Variants in RPS6KC1 observed in about 807,000 individuals in gnomAD.
RPS6KC1 encodes the protein ribosomal protein S6 kinase C1.
In RPS6KC1, 54 loss-of-function variants were observed where a neutral mutation model predicts 103.8. That is an observed-to-expected ratio of 0.52 (90% CI 0.42 to 0.65). The LOEUF is 0.65. Ranked by LOEUF, RPS6KC1 falls within the 30% of genes least tolerant of loss-of-function variation. The pLI is 0.00. For missense variants in RPS6KC1, 1,151 were observed against 1,253.8 expected, an observed-to-expected ratio of 0.92 and a Z score of 1.24; for synonymous variants, 439 against 438.7, an observed-to-expected ratio of 1.00 and a Z score of -0.01.
At chr1:213,730,348 A>G in the RPS6KC1 span, among the ~76,000 whole-genome samples, 38 of 152,294 alleles carry the variant, frequency 2.5e-4, no homozygotes, top group Non-Finnish European at 3.8e-4. Flanking sequence ...GAATCATCAC[A>G]TTGTCTTCCA....
chr1:213,386,426 C>G, the RPS6KC1 span, among the ~76,000 whole-genome samples: 2 of 152,234 alleles, frequency 1.3e-5, no homozygotes, highest in East Asian at 3.8e-4. Flanking sequence ...GTACCTCCCT[C>G]TCAGGGCTGT....
chr1:213,848,784 G>A, the RPS6KC1 span, among the ~76,000 whole-genome samples: 3 of 151,800 alleles, frequency 2.0e-5, no homozygotes, highest in African/African-American at 7.3e-5. Context: ...TTTTTATATT[G>A]TAATGCTCTA....
At chr1:213,277,883 A>G (rs1052012921), downstream of RPS6KC1, among the ~76,000 whole-genome samples, 32 of 152,192 alleles carry the variant, frequency 2.1e-4, no homozygotes, top group African/African-American at 7.2e-4. Flanking sequence ...AAACACATCA[A>G]AAATTTCATA....
At chr1:213,365,998 G>C in the RPS6KC1 span, among the ~76,000 whole-genome samples, 1 of 152,366 alleles carries the variant, frequency 6.6e-6, no homozygotes, top group African/African-American at 2.4e-5. Context: ...GTCTCAAAGG[G>C]TAGGGAATTA....
At chr1:213,545,601 A>G in the RPS6KC1 span, among the ~76,000 whole-genome samples, 1 of 151,982 alleles carries the variant, frequency 6.6e-6, no homozygotes, top group Non-Finnish European at 1.5e-5. Context: ...GTCCACCTTC[A>G]TGACCTCATT....
the RPS6KC1 span, among the ~76,000 whole-genome samples, chr1:213,432,576 A>G: frequency 6.6e-6 from 1 of 152,186 alleles, no homozygotes; most frequent in Non-Finnish European, 1.5e-5. Flanking sequence ...AAACATAACC[A>G]TCATCCCCCA....
At chr1:213,514,214 A>G in the RPS6KC1 span, among the ~76,000 whole-genome samples, 1 of 152,190 alleles carries the variant, frequency 6.6e-6, no homozygotes, top group East Asian at 1.9e-4. Flanking sequence ...ATTAATAAAT[A>G]AATGCTGAGG....
At chr1:213,068,873 ATGTGTGTGTGTGTG>A (rs60259563) in intron 1 of RPS6KC1, among the ~76,000 whole-genome samples, 19 of 127,366 alleles carry the variant, frequency 1.5e-4, no homozygotes, top group African/African-American at 2.4e-4. Flanking sequence ...AAGTGTATAT[ATGTGTGTGTGTGTG>A]TGTGTGTGTG....
chr1:213,098,039 A>G (rs1345786207), intron 3 of RPS6KC1, among the ~76,000 whole-genome samples: 4 of 152,142 alleles, frequency 2.6e-5, no homozygotes, highest in Non-Finnish European at 4.4e-5. Flanking sequence ...TAACACTTTT[A>G]ATTTCTTTCA....
intron 1 of RPS6KC1, among the ~76,000 whole-genome samples, chr1:213,065,016 G>T (rs1282785975): frequency 1.7e-5 from 2 of 115,096 alleles, no homozygotes; most frequent in African/African-American, 6.5e-5. Flanking sequence ...TTGCTCCGTT[G>T]CCCAGGTTGG....
intron 3 of RPS6KC1, among the ~76,000 whole-genome samples, chr1:213,085,699 A>C (rs572569330): frequency 8.6e-5 from 13 of 151,866 alleles, no homozygotes; most frequent in Admixed American, 6.5e-4. Flanking sequence ...TTCTCTGTGT[A>C]TCTATAGAGC....
intron 5 of RPS6KC1, among the ~76,000 whole-genome samples, chr1:213,122,500 T>A (rs1262226949): frequency 6.6e-6 from 1 of 152,182 alleles, no homozygotes; most frequent in East Asian, 1.9e-4. Context: ...ATTGGTTACT[T>A]AATAACCTAA....
chr1:213,185,997 A>C (rs1480572376), intron 8 of RPS6KC1, among the ~76,000 whole-genome samples: 5 of 151,748 alleles, frequency 3.3e-5, no homozygotes, highest in South Asian at 2.1e-4. Context: ...AAAAAAAAAA[A>C]CTACACAAAA....
chr1:213,583,247 T>C, the RPS6KC1 span, among the ~76,000 whole-genome samples: 1 of 152,236 alleles, frequency 6.6e-6, no homozygotes, highest in Admixed American at 6.5e-5. Flanking sequence ...TGCATGAACA[T>C]GTTTTTATTT....
chr1:213,664,564 T>C, the RPS6KC1 span, among the ~76,000 whole-genome samples: 1 of 152,124 alleles, frequency 6.6e-6, no homozygotes, highest in Non-Finnish European at 1.5e-5. Flanking sequence ...AAAGAAGAAA[T>C]CTGATTGGCC....
rs2094793369 is a variant in RPS6KC1 at position 213,261,418 on chromosome 1, C to G, written c.2912-140C>G. 10 of 710,764 alleles carry G rather than the reference C, an allele frequency of 1.4e-5. No homozygotes were observed. In the East Asian group the frequency reaches 2.3e-4, roughly 16 times the overall value. The allele number at this position is 710,764 out of a possible 1,614,324, so 44.0% of individuals were successfully genotyped here. A position where few individuals can be genotyped will look rare whatever the true frequency, so the allele number is the denominator to read the frequency against. On this transcript the variant is annotated intron_variant, in intron 12 of 14. Transcript: ENST00000366960. ...AGTAGGTGACCAAAGGGATAAGTAA[C>G]TTTCAGGAATTTTGAAAGCCCAGTA...
At chr1:213,406,938 T>C in the RPS6KC1 span, among the ~76,000 whole-genome samples, 1 of 152,150 alleles carries the variant, frequency 6.6e-6, no homozygotes. Context: ...CAAAGTCACA[T>C]AGGGCTGGGA....
intron 14 of RPS6KC1, among the ~76,000 whole-genome samples, chr1:213,271,932 AT>A (rs893549359): frequency 2.2e-4 from 33 of 151,672 alleles, no homozygotes; most frequent in African/African-American, 7.8e-4. Context: ...AAACCACAAA[AT>A]TTTTTTTTAC....
At chr1:213,302,442 C>T in the RPS6KC1 span, among the ~76,000 whole-genome samples, 4 of 152,162 alleles carry the variant, frequency 2.6e-5, no homozygotes, top group South Asian at 8.3e-4. Flanking sequence ...TGGGAGGATC[C>T]TTTGAGCCCA....
Sources: gnomAD v4.1 joint callset for allele counts (sites outside exome capture counted in the v4.1 genomes callset) on GRCh38, gnomAD v4.1.1 for gene constraint, MANE v1.5 for transcripts, NCBI Gene and HGNC (gene_info 2026-07-23, HGNC 2026-07-21) for gene names.